The following CDC42BPB variants were observed in gnomAD, a reference collection of about 807,000 sequenced individuals.
CDC42BPB encodes CDC42 binding protein kinase beta.
CDC42BPB carries 37 observed loss-of-function variants against 214.9 expected under a neutral mutation model. That is an observed-to-expected ratio of 0.17 (90% CI 0.13 to 0.23). The LOEUF (loss-of-function observed/expected upper bound fraction) is 0.23. Ranked by LOEUF, CDC42BPB falls within the 10% of genes least tolerant of loss-of-function variation. The pLI is 1.00. For missense variants in CDC42BPB, 1,694 were observed against 2,227.0 expected (o/e 0.76, Z 4.82); for synonymous variants, 931 against 884.0 (o/e 1.05, Z -0.94).
chr14:102,962,914 T>C, intron 20 of CDC42BPB, 147 bp downstream of exon 20: 1 of 543,570 alleles, frequency 1.8e-6, no homozygotes, highest in Non-Finnish European at 3.3e-6. Flanking sequence ...TTGAAGATGT[T>C]GTTTGAAAAT....
At chr14:102,935,093 T>C (rs995506494) in intron 36 of CDC42BPB, among the ~76,000 whole-genome samples, 10 of 151,062 alleles carry the variant, frequency 6.6e-5, no homozygotes, top group Non-Finnish European at 1.5e-5. Context: ...CTATTCAACA[T>C]GGGGCTAGAG....
intron 17 of CDC42BPB, 77 bp downstream of exon 17, chr14:102,966,969 A>C (rs1893235496): frequency 6.5e-7 from 1 of 1,526,840 alleles, no homozygotes. Flanking sequence ...GCACAGGATC[A>C]GGCAGAAGAG....
intron 20 of CDC42BPB, among the ~76,000 whole-genome samples, chr14:102,960,186 C>T (rs1014232911): frequency 1.3e-5 from 2 of 152,076 alleles, no homozygotes; most frequent in Middle Eastern, 3.2e-3. Context: ...GCCTGGGCGA[C>T]AGAGCAAGAC....
intron 13 of CDC42BPB, among the ~76,000 whole-genome samples, 182 bp downstream of exon 13, chr14:102,971,737 G>A (rs1343956391): frequency 6.6e-6 from 1 of 152,192 alleles, no homozygotes; most frequent in African/African-American, 2.4e-5. Context: ...GAACCTTATT[G>A]TAATTTCACC....
chr14:102,935,473 C>T (rs1010816813), intron 36 of CDC42BPB, among the ~76,000 whole-genome samples: 4 of 152,112 alleles, frequency 2.6e-5, no homozygotes, highest in Non-Finnish European at 4.4e-5. Context: ...ATCTCATGTT[C>T]GTGGAGTAAA....
intron 14 of CDC42BPB, among the ~76,000 whole-genome samples, chr14:102,969,739 G>A (rs35211375): frequency 1.4e-4 from 22 of 152,330 alleles, no homozygotes; most frequent in Admixed American, 1.4e-3. Context: ...AGTGGGCCCC[G>A]ACTGATGGCC....
intron 26 of CDC42BPB, among the ~76,000 whole-genome samples, chr14:102,948,913 G>A (rs1595456956): frequency 1.3e-5 from 2 of 152,030 alleles, no homozygotes; most frequent in East Asian, 3.9e-4. Flanking sequence ...CCGGGGGAAG[G>A]GACATGGAAA....
chr14:102,938,077 T>G, intron 36 of CDC42BPB, 27 bp downstream of exon 36: 1 of 1,611,778 alleles, frequency 6.2e-7, no homozygotes, highest in South Asian at 1.1e-5. Context: ...GCTCATAGCC[T>G]CAGCACTGGA....
intron 5 of CDC42BPB, among the ~76,000 whole-genome samples, chr14:102,994,834 G>A (rs1055066640): frequency 3.3e-5 from 5 of 152,182 alleles, no homozygotes; most frequent in African/African-American, 4.8e-5. Flanking sequence ...ACTTCCATCC[G>A]TTCCCCTTGT....
chr14:102,946,449 C>A lies in CDC42BPB; in HGVS notation c.3748+19G>T. ...GCTGTTGCTTCAGACACCTGAAGGA[C>A]ACAACCTTTGGGACGTACCCACGAT... On this transcript the variant is annotated intron_variant, in intron 28 of 36. Transcript: ENST00000361246. The A allele has an allele frequency of 1.2e-6, 2 of 1,612,078 alleles. No individual in the cohort carries two copies. The highest frequency in any genetic ancestry group is 1.7e-6 in the Non-Finnish European group (2 of 1,179,830).
chr14:102,970,335 A>G, intron 13 of CDC42BPB, 74 bp from the exon 14 acceptor site: 2 of 1,528,318 alleles, frequency 1.3e-6, no homozygotes, highest in Admixed American at 4.0e-5. Context: ...CACCCACGGG[A>G]CCTCCACAAG....
chr14:103,023,343 T>C (rs1886875206), intron 1 of CDC42BPB, among the ~76,000 whole-genome samples: 1 of 152,116 alleles, frequency 6.6e-6, no homozygotes, highest in African/African-American at 2.4e-5. Flanking sequence ...ACTTTTTCTA[T>C]TTTTAGTAGA....
chr14:103,041,391 T>C, intron 1 of CDC42BPB: 3 of 551,490 alleles, frequency 5.4e-6, no homozygotes, highest in South Asian at 2.5e-5. Flanking sequence ...TGCCAATGGA[T>C]TGTTAGATAT....
At chr14:103,025,835 T>C (rs933826785) in intron 1 of CDC42BPB, among the ~76,000 whole-genome samples, 1 of 149,984 alleles carries the variant, frequency 6.7e-6, no homozygotes, top group Admixed American at 6.6e-5. Context: ...TGAACTCCTG[T>C]CATACACAAC....
chr14:102,950,457 G>C lies in CDC42BPB; in HGVS notation c.3309+9C>G, dbSNP rs1892436014. On this transcript the variant is annotated intron_variant, in intron 25 of 36. Coordinates refer to ENST00000361246, the MANE Select transcript of CDC42BPB (RefSeq NM_006035.4). ...ACCGAGGGCTGAGGGCGGAGATGAA[G>C]CCGCCTACCTTGACATGGCCTTTGT... The C allele has an allele frequency of 1.2e-6, 2 of 1,612,482 alleles. No individual in the cohort carries two copies. Among genetic ancestry groups the C allele is most frequent in the Admixed American group, 1.7e-5 (1 of 59,974 alleles).
At chr14:102,950,631 A>G (rs748457654) in intron 24 of CDC42BPB, 29 bp from the exon 25 acceptor site, 1 of 1,524,792 alleles carries the variant, frequency 6.6e-7, no homozygotes, top group African/African-American at 1.4e-5. Context: ...ACTGCCTTCA[A>G]AGCTTGCTGC....
chr14:102,986,468 C>T lies in CDC42BPB; in HGVS notation c.690+19G>A, dbSNP rs775678433. The stretch of plus-strand genomic sequence containing the variant: ...CCAAACCCAAAACCAAATGGAAAAT[C>T]TCCAACAAAAATACCTACAGTGCCA... On this transcript the variant is annotated intron_variant, in intron 6 of 36. Coordinates refer to ENST00000361246, the MANE Select transcript of CDC42BPB (RefSeq NM_006035.4). 13 of 1,596,622 alleles carry T rather than the reference C, an allele frequency of 8.1e-6. No individual in the cohort carries two copies. The highest frequency in any genetic ancestry group is 1.1e-5 in the Non-Finnish European group (13 of 1,166,644).
intron 16 of CDC42BPB, among the ~76,000 whole-genome samples, chr14:102,967,649 C>T (rs561331079): frequency 2.0e-5 from 3 of 152,300 alleles, no homozygotes; most frequent in Admixed American, 6.5e-5. Context: ...GGGACGCTGC[C>T]GGCGGCTGTA....
At chr14:103,021,977 G>A (rs1382855633) in intron 1 of CDC42BPB, among the ~76,000 whole-genome samples, 1 of 152,220 alleles carries the variant, frequency 6.6e-6, no homozygotes, top group East Asian at 1.9e-4. Flanking sequence ...GGCTGACAGA[G>A]GCTGGTGGGC....
Sources: allele counts gnomAD v4.1 joint callset (sites outside exome capture counted in the v4.1 genomes callset), GRCh38; gene constraint gnomAD v4.1.1; transcripts MANE v1.5; gene names NCBI Gene and HGNC (gene_info 2026-07-23, HGNC 2026-07-21).